DCC: variants seen among roughly 807,000 people sequenced by gnomAD.
DCC encodes the protein netrin receptor DCC.
A neutral mutation model predicts 172.5 loss-of-function variants in DCC; 58 were observed. The observed-to-expected ratio is 0.34, with a 90% CI of 0.27 to 0.42. DCC has a LOEUF of 0.42. Ranked by LOEUF, DCC falls within the 10% of genes least tolerant of loss-of-function variation. The pLI is 1.00. For missense variants in DCC, 1,740 were observed against 1,791.0 expected (o/e 0.97, Z 0.51); for synonymous variants, 709 against 644.5 (o/e 1.10, Z -1.52).
chr18:52,644,295 G>A (rs71367288), intron 1 of DCC, among the ~76,000 whole-genome samples: 1 of 152,156 alleles, frequency 6.6e-6, no homozygotes, highest in Non-Finnish European at 1.5e-5. Context: ...TTAGTGTGTA[G>A]AGGCTGGGTG....
At chr18:52,350,922 A>G (rs950936692) in intron 1 of DCC, among the ~76,000 whole-genome samples, 2 of 152,190 alleles carry the variant, frequency 1.3e-5, no homozygotes, top group African/African-American at 4.8e-5. Context: ...AATGTGTTCC[A>G]GGTATTGTGT....
chr18:52,883,325 T>TA (rs2039516467), intron 2 of DCC, among the ~76,000 whole-genome samples: 2 of 56,178 alleles, frequency 3.6e-5, no homozygotes, highest in African/African-American at 1.1e-4. Context: ...TTTATTTTAT[T>TA]TTTTATTTAT....
At chr18:53,018,780 T>C (rs763174317) in intron 5 of DCC, among the ~76,000 whole-genome samples, 33 of 152,294 alleles carry the variant, frequency 2.2e-4, no homozygotes, top group South Asian at 1.0e-3. Context: ...ACATGCTCTT[T>C]GCCTTCAGTT....
At chr18:52,955,899 T>C (rs146497530) in intron 5 of DCC, among the ~76,000 whole-genome samples, 263 of 152,266 alleles carry the variant, frequency 1.7e-3, no homozygotes, top group African/African-American at 6.0e-3. Flanking sequence ...TTGCCCATTT[T>C]AAAAATCAGG....
At chr18:53,377,693 G>A (rs905398424) in intron 15 of DCC, among the ~76,000 whole-genome samples, 1 of 152,202 alleles carries the variant, frequency 6.6e-6, no homozygotes, top group Non-Finnish European at 1.5e-5. Flanking sequence ...AATAAATGAA[G>A]TAAGGGATGG....
intron 1 of DCC, among the ~76,000 whole-genome samples, chr18:52,397,150 C>T (rs1415490362): frequency 6.6e-6 from 1 of 151,924 alleles, no homozygotes; most frequent in Non-Finnish European, 1.5e-5. Flanking sequence ...GATTCTCAAA[C>T]TTGTGCTTGC....
chr18:53,071,114 C>T (rs979903568), intron 7 of DCC, among the ~76,000 whole-genome samples: 1 of 152,226 alleles, frequency 6.6e-6, no homozygotes, highest in African/African-American at 2.4e-5. Context: ...CAATCTGCTT[C>T]TCGCTGGAGT....
At chr18:53,014,990 A>T (rs988368428) in intron 5 of DCC, among the ~76,000 whole-genome samples, 1 of 152,220 alleles carries the variant, frequency 6.6e-6, no homozygotes, top group African/African-American at 2.4e-5. Context: ...AATTAAAATT[A>T]GAATGCAACT....
intron 1 of DCC, among the ~76,000 whole-genome samples, chr18:52,685,368 G>T (rs1465190803): frequency 6.6e-6 from 1 of 152,082 alleles, no homozygotes; most frequent in Non-Finnish European, 1.5e-5. Flanking sequence ...GTGAGGCATG[G>T]GTTGCAGTGG....
intron 5 of DCC, among the ~76,000 whole-genome samples, chr18:53,029,879 G>A (rs781173806): frequency 6.6e-6 from 1 of 152,044 alleles, no homozygotes; most frequent in Non-Finnish European, 1.5e-5. Context: ...TAGTTGACTC[G>A]ATTGTTTTTG....
At chr18:52,935,679 T>C (rs1325276480) in intron 5 of DCC, among the ~76,000 whole-genome samples, 1 of 152,162 alleles carries the variant, frequency 6.6e-6, no homozygotes, top group Non-Finnish European at 1.5e-5. Flanking sequence ...TAGTGGTTCA[T>C]CTACCTCAGA....
intron 12 of DCC, among the ~76,000 whole-genome samples, chr18:53,287,749 TA>T (rs2056952779): frequency 6.6e-6 from 1 of 152,192 alleles, no homozygotes; most frequent in South Asian, 2.1e-4. Flanking sequence ...GGTATCTGCT[TA>T]AAACTTTTCT....
rs1218998969 is a variant in DCC, at chr18:53,175,987, T to C, written c.1419-2975T>C. On this transcript the variant is annotated intron_variant, in intron 8 of 28. Transcript: ENST00000442544. ...ACTGGTACCAAAACAGAGATATAGATCAATGGAACAGAACAGAGCCCTCAG... is the reference window on the plus strand; with the variant it reads ...ACTGGTACCAAAACAGAGATATAGACCAATGGAACAGAACAGAGCCCTCAG... 7.3e-5 allele frequency among the ~76,000 whole-genome samples: 11 copies of C among 151,524 alleles called. No homozygotes were observed. The East Asian group carries it at 1.2e-3, about 16-fold the overall frequency.
intron 21 of DCC, among the ~76,000 whole-genome samples, chr18:53,416,927 G>T (rs1910344514): frequency 6.6e-6 from 1 of 152,300 alleles, no homozygotes; most frequent in Non-Finnish European, 1.5e-5. Flanking sequence ...ACAATGAATA[G>T]TTTATGAGTT....
At chr18:52,748,683 G>C (rs1333841270) in intron 1 of DCC, among the ~76,000 whole-genome samples, 4 of 152,192 alleles carry the variant, frequency 2.6e-5, no homozygotes, top group Admixed American at 2.6e-4. Context: ...TGGGTCCCAG[G>C]TTCTTGTCCT....
At chr18:53,226,934 G>GTATGTATA (rs1555734407) in intron 12 of DCC, among the ~76,000 whole-genome samples, 1 of 68,162 alleles carries the variant, frequency 1.5e-5, no homozygotes, top group Admixed American at 1.8e-4. Flanking sequence ...GTGTGTGTGT[G>GTATGTATA]TATATATATA....
intron 11 of DCC, among the ~76,000 whole-genome samples, chr18:53,212,660 A>G (rs1015812821): frequency 7.8e-5 from 11 of 141,906 alleles, no homozygotes; most frequent in African/African-American, 2.6e-4. Context: ...TTGCCTTTCA[A>G]TTCTTGTTTT....
At chr18:53,380,604 A>G (rs1907648288) in intron 15 of DCC, among the ~76,000 whole-genome samples, 1 of 152,178 alleles carries the variant, frequency 6.6e-6, no homozygotes, top group Admixed American at 6.5e-5. Context: ...ATGAGCAGTT[A>G]AAGTGTGAAA....
chr18:52,907,995 A>G (rs2039915153), intron 3 of DCC, among the ~76,000 whole-genome samples: 1 of 152,168 alleles, frequency 6.6e-6, no homozygotes, highest in African/African-American at 2.4e-5. Flanking sequence ...ATCTCATGTA[A>G]TGCCTACTTT....
Sources: allele counts gnomAD v4.1 joint callset (sites outside exome capture counted in the v4.1 genomes callset), GRCh38; gene constraint gnomAD v4.1.1; transcripts MANE v1.5; gene names NCBI Gene and HGNC (gene_info 2026-07-23, HGNC 2026-07-21).